The following TFCP2L1 variants were observed in gnomAD, a reference collection of about 807,000 sequenced individuals.
The protein encoded by TFCP2L1 is transcription factor CP2 like 1, also known as transcription factor CP2-like protein 1.
A neutral mutation model predicts 72.2 loss-of-function variants in TFCP2L1; 12 were observed. The observed-to-expected ratio is 0.17, with a 90% CI of 0.11 to 0.27. The LOEUF (loss-of-function observed/expected upper bound fraction) is 0.27, where lower values mean the gene tolerates loss of function less well. Among genes scored for constraint, TFCP2L1 ranks in the 10% least tolerant of loss-of-function variants. The probability of loss-of-function intolerance (pLI) is 1.00; values close to 1 mark genes in which losing one functional copy is unlikely to be tolerated. For missense variants in TFCP2L1, 488 were observed against 624.6 expected (o/e 0.78, Z 2.33); for synonymous variants, 260 against 251.0 (o/e 1.04, Z -0.34).
intron 2 of TFCP2L1, among the ~76,000 whole-genome samples, chr2:121,256,381 C>T (rs565295767): frequency 6.6e-6 from 1 of 152,262 alleles, no homozygotes; most frequent in South Asian, 2.1e-4. Context: ...ACTTGATACA[C>T]GACACTATAA....
rs538263960 is a variant in TFCP2L1, at chr2:121,267,929, C to T, written c.214+13191G>A. Among the ~76,000 whole-genome samples, 8 of 152,188 alleles carry T rather than the reference C, an allele frequency of 5.3e-5. No individual in the cohort carries two copies. The East Asian group carries it at 9.6e-4, about 18-fold the overall frequency. On this transcript the variant is annotated intron_variant, in intron 2 of 14. Coordinates refer to ENST00000263707, the MANE Select transcript of TFCP2L1 (RefSeq NM_014553.3). ...GGCATGGTGGCGCACATCTGTAATC[C>T]CAGCACTGTGGAAGGCCAAAGCAGG...
At position 121,269,314 on chromosome 2, in the gene TFCP2L1, G is replaced by T. The variant is rs947270945; in HGVS notation, c.214+11806C>A. ...AATACAAAAATTAGTCAGGCTTGGTGGCGGCCATTTGTAGTACCAGCTACT... is the reference window on the plus strand; with the variant it reads ...AATACAAAAATTAGTCAGGCTTGGTTGCGGCCATTTGTAGTACCAGCTACT... On this transcript the variant is annotated intron_variant, in intron 2 of 14. Transcript: ENST00000263707. Among the ~76,000 whole-genome samples, 3 of 151,840 alleles carry T rather than the reference G, an allele frequency of 2.0e-5. No individual in the cohort carries two copies. The East Asian group carries it at 5.8e-4, about 30-fold the overall frequency.
intron 6 of TFCP2L1, among the ~76,000 whole-genome samples, chr2:121,244,978 TG>T (rs1375836457): frequency 6.6e-6 from 1 of 152,152 alleles, no homozygotes; most frequent in Non-Finnish European, 1.5e-5. Flanking sequence ...GGCAGAATAA[TG>T]GTTCCCAAAG....
chr2:121,284,978 C>A (rs1324494075), intron 1 of TFCP2L1, 70 bp downstream of exon 1: 86 of 1,369,154 alleles, frequency 6.3e-5, no homozygotes, highest in Non-Finnish European at 7.9e-5. Context: ...CCTCTCCGCC[C>A]CTGGACGTCC....
intron 7 of TFCP2L1, 129 bp from the exon 8 acceptor site, chr2:121,239,778 TACC>T: frequency 1.1e-6 from 1 of 947,298 alleles, no homozygotes; most frequent in Non-Finnish European, 1.5e-6. Flanking sequence ...AGCCTGCGTT[TACC>T]CAGTGCCCAC....
chr2:121,233,676 G>A (rs77939880), intron 12 of TFCP2L1, among the ~76,000 whole-genome samples: 3,690 of 152,298 alleles, frequency 0.024, 134 homozygotes, highest in African/African-American at 0.08. Context: ...ATGGCCACTG[G>A]GAGTGCTCGG....
intron 2 of TFCP2L1, among the ~76,000 whole-genome samples, chr2:121,254,558 G>A (rs1686676596): frequency 6.6e-6 from 1 of 152,210 alleles, no homozygotes; most frequent in Non-Finnish European, 1.5e-5. Context: ...TGGCCTTTGG[G>A]AGGCCAAGGC....
chr2:121,230,295 C>A (rs1318311531), intron 13 of TFCP2L1, among the ~76,000 whole-genome samples: 1 of 152,182 alleles, frequency 6.6e-6, no homozygotes, highest in Non-Finnish European at 1.5e-5. Flanking sequence ...CCTCAGCCTC[C>A]CGAGTACCTG....
At chr2:121,238,076 G>C (rs959480492) in intron 8 of TFCP2L1, among the ~76,000 whole-genome samples, 1 of 152,134 alleles carries the variant, frequency 6.6e-6, no homozygotes, top group African/African-American at 2.4e-5. Context: ...GTTCTGATAG[G>C]CTACACTGCC....
chr2:121,245,500 C>G (rs1016172820), intron 6 of TFCP2L1, among the ~76,000 whole-genome samples: 1 of 152,216 alleles, frequency 6.6e-6, no homozygotes, highest in African/African-American at 2.4e-5. Flanking sequence ...GAAAGACAAA[C>G]ACACATCCCT....
intron 2 of TFCP2L1, among the ~76,000 whole-genome samples, chr2:121,267,562 C>T (rs935514375): frequency 2.0e-5 from 3 of 151,510 alleles, no homozygotes; most frequent in East Asian, 1.9e-4. Flanking sequence ...GGCGCGATCT[C>T]GACTCACTGC....
At chr2:121,279,903 C>G (rs1441969596) in intron 2 of TFCP2L1, among the ~76,000 whole-genome samples, 1 of 152,174 alleles carries the variant, frequency 6.6e-6, no homozygotes, top group African/African-American at 2.4e-5. Context: ...GTGGCCAGAA[C>G]TGTTTCATGT....
intron 6 of TFCP2L1, among the ~76,000 whole-genome samples, chr2:121,242,816 T>C (rs1686406730): frequency 6.6e-6 from 1 of 152,040 alleles, no homozygotes; most frequent in East Asian, 1.9e-4. Context: ...TGGTCTGGAT[T>C]TAGTCTGTGC....
intron 14 of TFCP2L1, 109 bp from the exon 15 acceptor site, chr2:121,224,496 A>C: frequency 9.6e-7 from 1 of 1,038,416 alleles, no homozygotes; most frequent in Non-Finnish European, 1.5e-6. Flanking sequence ...GACCACCAAA[A>C]TAGGGCTGCA....
intron 2 of TFCP2L1, among the ~76,000 whole-genome samples, chr2:121,263,771 A>G (rs1686876318): frequency 6.6e-6 from 1 of 152,198 alleles, no homozygotes; most frequent in African/African-American, 2.4e-5. Flanking sequence ...AAGGCCAGAT[A>G]AGCATCTTTG....
intron 2 of TFCP2L1, among the ~76,000 whole-genome samples, chr2:121,264,240 T>C (rs535635940): frequency 2.3e-4 from 35 of 152,292 alleles, no homozygotes; most frequent in African/African-American, 7.9e-4. Flanking sequence ...ACCTACCTGC[T>C]CCAGGCAGTC....
At chr2:121,279,869 C>T (rs1046171473) in intron 2 of TFCP2L1, among the ~76,000 whole-genome samples, 10 of 152,204 alleles carry the variant, frequency 6.6e-5, no homozygotes, top group Non-Finnish European at 1.2e-4. Flanking sequence ...GTCCTTTGCT[C>T]ATCCTTGCTG....
At chr2:121,231,698 C>T (rs62153600) in intron 13 of TFCP2L1, 128 bp downstream of exon 13, 101,198 of 1,362,686 alleles carry the variant, frequency 0.074, 4,286 homozygotes, top group Non-Finnish European at 0.084. Context: ...ACAGCCACAG[C>T]TGCAGGTGGT....
At chr2:121,230,296 C>T (rs540988665) in intron 13 of TFCP2L1, among the ~76,000 whole-genome samples, 17 of 152,260 alleles carry the variant, frequency 1.1e-4, no homozygotes, top group Admixed American at 3.9e-4. Flanking sequence ...CTCAGCCTCC[C>T]GAGTACCTGG....
Sources: allele counts gnomAD v4.1 joint callset (sites outside exome capture counted in the v4.1 genomes callset), GRCh38; gene constraint gnomAD v4.1.1; transcripts MANE v1.5; gene names NCBI Gene and HGNC (gene_info 2026-07-23, HGNC 2026-07-21).